The following PLK1 variants were observed in gnomAD, a reference collection of about 807,000 sequenced individuals.
The protein encoded by PLK1 is polo like kinase 1.
PLK1 carries 6 observed loss-of-function variants against 56.7 expected under a neutral mutation model. The observed-to-expected ratio is 0.11, with a 90% CI of 0.06 to 0.21. PLK1 has a LOEUF of 0.21. Ranked by LOEUF, PLK1 falls within the 10% of genes least tolerant of loss-of-function variation. The pLI is 1.00. For missense variants in PLK1, 546 were observed against 814.4 expected, an observed-to-expected ratio of 0.67 and a Z score of 4.01; for synonymous variants, 298 against 325.0, an observed-to-expected ratio of 0.92 and a Z score of 0.89.
chr16:23,681,184 G>T (rs1177205969), intron 3 of PLK1, 126 bp downstream of exon 3: 4 of 814,242 alleles, frequency 4.9e-6, no homozygotes, highest in Non-Finnish European at 6.2e-6. Flanking sequence ...CAAGGGACAA[G>T]TCATCCCCAA....
chr16:23,684,849 G>C (rs983881698), intron 5 of PLK1, among the ~76,000 whole-genome samples: 1 of 151,340 alleles, frequency 6.6e-6, no homozygotes, highest in African/African-American at 2.4e-5. Context: ...TAGTAGAGAC[G>C]GGGTTTCACT....
In PLK1 at chr16:23,689,748, G is replaced by T; in HGVS notation, c.1608+72G>T. The T allele has an allele frequency of 6.5e-7, 1 of 1,543,326 alleles. No individual in the cohort carries two copies. Among genetic ancestry groups the T allele is most frequent in the Non-Finnish European group, 8.9e-7 (1 of 1,129,016 alleles). ...GCATGCCTGGCAGTGGCCCATGTGG[G>T]TTGAATGTGGAGTGAGCGGCTCAGG... On this transcript the variant is annotated intron_variant, in intron 9 of 9. Coordinates refer to ENST00000300093, the MANE Select transcript of PLK1 (RefSeq NM_005030.6). The surrounding 1 kb of genome is among the most constrained non-coding windows in gnomAD (Gnocchi z 4.8).
At chr16:23,685,750 C>T (rs77564320) in intron 5 of PLK1, among the ~76,000 whole-genome samples, 10,501 of 151,704 alleles carry the variant, frequency 0.069, 786 homozygotes, top group African/African-American at 0.18. Context: ...CAAGATCTCA[C>T]TATGTCGACC....
intron 4 of PLK1, 128 bp from the exon 5 acceptor site, chr16:23,683,742 C>A: frequency 1.3e-6 from 1 of 743,630 alleles, no homozygotes; most frequent in Non-Finnish European, 2.4e-6. Flanking sequence ...AGTTGTGAAC[C>A]ACTGACCTGT....
At chr16:23,685,345 C>G (rs1165254997) in intron 5 of PLK1, among the ~76,000 whole-genome samples, 2 of 152,188 alleles carry the variant, frequency 1.3e-5, no homozygotes, top group Non-Finnish European at 2.9e-5. Context: ...GTGGCTCACT[C>G]ATAGCTTACT....
chr16:23,678,947 G>C lies in PLK1; in HGVS notation c.15G>C (p.Val5=), dbSNP rs780298441. The part of the protein sequence containing the change: MSAA[V]TAGKLARAPA... ...GCTTCGGGAGCATGAGTGCTGCAGT[G>C]ACTGCAGGGAAGCTGGCACGGGCAC... The change falls in exon 1 of 10, where the codon GTG becomes GTC. Residue 5 remains valine, a synonymous_variant. Transcript: ENST00000300093. The C allele has an allele frequency of 1.3e-6, 2 of 1,561,282 alleles. No individual in the cohort carries two copies. The highest frequency in any genetic ancestry group is 1.7e-6 in the Non-Finnish European group (2 of 1,153,248).
chr16:23,685,490 C>T (rs886613259), intron 5 of PLK1, among the ~76,000 whole-genome samples: 2 of 151,886 alleles, frequency 1.3e-5, no homozygotes, highest in African/African-American at 4.8e-5. Context: ...GTGGATTGCC[C>T]GAGCTCAGGA....
In PLK1 at chr16:23,678,893, G is replaced by C. The variant is rs1265539499; in HGVS notation, c.-40G>C. On this transcript the variant is annotated 5_prime_UTR_variant, in exon 1 of 10. Transcript: ENST00000300093. Reference sequence around the variant, plus strand: ...CGGGGAGGAGCGGAGCGGTGCGGAGGCTCTGCTCGGATCGAGGTCTGCAGC... The same window carrying C: ...CGGGGAGGAGCGGAGCGGTGCGGAGCCTCTGCTCGGATCGAGGTCTGCAGC... 2.1e-6 allele frequency: 3 copies of C among 1,449,738 alleles called. No homozygotes were observed. Among genetic ancestry groups the C allele is most frequent in the South Asian group, 2.8e-5 (2 of 71,648 alleles). 89.8% of individuals were successfully genotyped at this position (1,449,738 alleles called of 1,614,324 possible).
At chr16:23,684,295 C>G (rs369996744) in intron 5 of PLK1, among the ~76,000 whole-genome samples, 1 of 152,158 alleles carries the variant, frequency 6.6e-6, no homozygotes, top group African/African-American at 2.4e-5. Context: ...CGTACCATGC[C>G]CAAGAAGAAG....
In PLK1 at chr16:23,680,056, CCTCCTGCCCT is replaced by C. The variant is rs746478549; in HGVS notation, c.409-22_409-13del. The C allele has an allele frequency of 3.2e-6, 5 of 1,574,560 alleles. No individual in the cohort carries two copies. In the South Asian group the frequency reaches 5.6e-5, roughly 18 times the overall value. On this transcript the variant is annotated intron_variant, in intron 1 of 9. Coordinates refer to ENST00000300093, the MANE Select transcript of PLK1 (RefSeq NM_005030.6). ...ACCGGCCTCAATCCACCTCCCCATC[CCTCCTGCCCT>C]CTCCTTCCCACCCACAGTCTCTCCT...
chr16:23,683,929 C>T lies in PLK1; in HGVS notation c.876C>T (p.Ala292=). 1 of 1,614,152 alleles carries T rather than the reference C, an allele frequency of 6.2e-7. No individual in the cohort carries two copies. Among genetic ancestry groups the T allele is most frequent in the Non-Finnish European group, 8.5e-7 (1 of 1,180,014 alleles). Residue 292 remains alanine, a synonymous_variant, in exon 5 of 10, where the codon GCC becomes GCT. Transcript: ENST00000300093. ...IQKMLQTDPT[A]RPTINELLND... ...AGATGCTTCAGACAGATCCCACTGC[C>T]CGCCCAACCATTAACGAGCTGCTTA...
Position 23,689,714 on chromosome 16 carries a change from G to A in PLK1, c.1608+38G>A, listed in dbSNP as rs1959508491. ...TCACCAGGCGCAGGAGAGAGCTGGG[G>A]TAGGCTCCGCATGCCTGGCAGTGGC... On this transcript the variant is annotated intron_variant, in intron 9 of 9. Transcript: ENST00000300093. The surrounding 1 kb of genome is among the most constrained non-coding windows in gnomAD (Gnocchi z 4.8). The A allele has an allele frequency of 6.3e-7, 1 of 1,576,688 alleles. No homozygotes were observed. Among genetic ancestry groups the A allele is most frequent in the Non-Finnish European group, 8.6e-7 (1 of 1,159,184 alleles).
intron 5 of PLK1, 59 bp downstream of exon 5, chr16:23,684,148 G>T (rs1408497858): frequency 7.4e-7 from 1 of 1,353,774 alleles, no homozygotes; most frequent in South Asian, 1.2e-5. Flanking sequence ...GGTTGTAGGG[G>T]TGTGTGCAGC....
rs748899750 is a variant in PLK1, at chr16:23,682,130, C to T, written c.789C>T (p.Ile263=). The change falls in exon 4 of 10, where the codon ATC becomes ATT. Residue 263 remains isoleucine, a synonymous_variant. Transcript: ENST00000300093. The stretch of plus-strand genomic sequence containing the variant: ...GCCTAAAAGAGACCTACCTCCGGAT[C>T]AAGAAGAATGAATACAGTATTCCCA... ...TSCLKETYLR[I]KKNEYSIPKH... The T allele has an allele frequency of 4.3e-5, 69 of 1,593,844 alleles. No individual in the cohort carries two copies. Among genetic ancestry groups the T allele is most frequent in the Non-Finnish European group, 5.4e-5 (63 of 1,161,650 alleles).
chr16:23,679,921 G>A (rs1959304900), intron 1 of PLK1, 163 bp from the exon 2 acceptor site: 2 of 586,970 alleles, frequency 3.4e-6, no homozygotes, highest in African/African-American at 3.7e-5. Context: ...AGAAGGAATG[G>A]GGTGGGGGCA....
rs1959520305 is a variant in PLK1 at position 23,690,071 on chromosome 16, C to G, written c.*8C>G. On this transcript the variant is annotated 3_prime_UTR_variant, in exon 10 of 10. Coordinates refer to ENST00000300093, the MANE Select transcript of PLK1 (RefSeq NM_005030.6). ...CGTCTCAAGGCCTCCTAATAGCTGCCCTCCCCTCCGGACTGGTGCCCTCCT... is the reference window on the plus strand; with the variant it reads ...CGTCTCAAGGCCTCCTAATAGCTGCGCTCCCCTCCGGACTGGTGCCCTCCT... 1 of 1,602,454 alleles carries G rather than the reference C, an allele frequency of 6.2e-7. No homozygotes were observed. Among genetic ancestry groups the G allele is most frequent in the Non-Finnish European group, 8.5e-7 (1 of 1,176,502 alleles).
intron 5 of PLK1, among the ~76,000 whole-genome samples, chr16:23,685,501 G>T (rs1250121008): frequency 6.6e-6 from 1 of 152,050 alleles, no homozygotes; most frequent in Non-Finnish European, 1.5e-5. Context: ...GAGCTCAGGA[G>T]TTCGAGATCA....
At chr16:23,680,391 A>G (rs749664557) in intron 2 of PLK1, 139 bp downstream of exon 2, 95 of 642,588 alleles carry the variant, frequency 1.5e-4, no homozygotes, top group East Asian at 3.2e-4. Context: ...CCCCAATGCA[A>G]TATTTTTTTT....
At chr16:23,686,799 G>A (rs113956011) in intron 5 of PLK1, among the ~76,000 whole-genome samples, 5,154 of 152,296 alleles carry the variant, frequency 0.034, 110 homozygotes, top group Middle Eastern at 0.095. Context: ...CCTTGCTGGA[G>A]TGTTTAAAGC....
Sources: gnomAD v4.1 joint callset for allele counts (sites outside exome capture counted in the v4.1 genomes callset) on GRCh38, gnomAD v4.1.1 for gene constraint, Gnocchi (gnomAD v3.1) non-coding constraint, MANE v1.5 for transcripts, NCBI Gene and HGNC (gene_info 2026-07-23, HGNC 2026-07-21) for gene names.